CDH22: variants seen among roughly 807,000 people sequenced by gnomAD.
CDH22 encodes cadherin-22.
Under a neutral mutation model 58.4 loss-of-function variants are expected in CDH22, and 30 were observed. The ratio of observed to expected loss-of-function variants is 0.51; its 90% CI spans 0.38 to 0.70. CDH22 has a LOEUF of 0.70. Ranked by LOEUF, CDH22 falls within the 30% of genes least tolerant of loss-of-function variation. The pLI is 0.00. For synonymous variants in CDH22, 513 were observed against 558.2 expected (o/e 0.92, Z 1.14); for missense variants, 1,014 against 1,233.9 (o/e 0.82, Z 2.67).
chr20:46,254,265 G>A (rs2086395499), intron 1 of CDH22, among the ~76,000 whole-genome samples: 1 of 152,124 alleles, frequency 6.6e-6, no homozygotes, highest in African/African-American at 2.4e-5. Flanking sequence ...ATAAAAAAAT[G>A]AAGTACTGGC....
rs566794108 is a variant in CDH22 at position 46,176,661 on chromosome 20, G to A, written c.1915+1285C>T. ...GTGAGGGCCATGGGGCAGGGCACCT[G>A]CTCACCACCTAACAAGGTGGCTTGT... On this transcript the variant is annotated intron_variant, in intron 11 of 11. Transcript: ENST00000537909. 2.9e-4 allele frequency among the ~76,000 whole-genome samples: 44 copies of A among 152,362 alleles called. 1 individual carries two copies. In the South Asian group the frequency reaches 8.9e-3, roughly 31 times the overall value.
chr20:46,291,841 T>C (rs1477497374), intron 1 of CDH22, among the ~76,000 whole-genome samples: 2 of 152,218 alleles, frequency 1.3e-5, no homozygotes, highest in Non-Finnish European at 1.5e-5. Context: ...AGCAGTGACA[T>C]TTTGGCTGGA....
chr20:46,298,371 T>C (rs1056658319), intron 1 of CDH22, among the ~76,000 whole-genome samples: 1 of 152,220 alleles, frequency 6.6e-6, no homozygotes, highest in Non-Finnish European at 1.5e-5. Context: ...TGTGTTAAGG[T>C]TTTATCAGAG....
At chr20:46,296,502 G>T (rs1185862979) in intron 1 of CDH22, among the ~76,000 whole-genome samples, 2 of 152,230 alleles carry the variant, frequency 1.3e-5, no homozygotes, top group Non-Finnish European at 2.9e-5. Flanking sequence ...CAATGGACCA[G>T]TTAGAGAGGC....
chr20:46,227,745 C>CA, intron 3 of CDH22, 118 bp from the exon 4 acceptor site: 1 of 1,404,892 alleles, frequency 7.1e-7, no homozygotes, highest in Non-Finnish European at 9.6e-7. Flanking sequence ...TGCGGGAGGC[C>CA]ATCGAATACA....
At chr20:46,265,819 C>T (rs1208706206) in intron 1 of CDH22, among the ~76,000 whole-genome samples, 1 of 151,974 alleles carries the variant, frequency 6.6e-6, no homozygotes, top group Non-Finnish European at 1.5e-5. Flanking sequence ...CCCACTTTTC[C>T]TTCCCTTCCA....
intron 1 of CDH22, among the ~76,000 whole-genome samples, chr20:46,272,196 G>A (rs1377624952): frequency 6.6e-6 from 1 of 152,230 alleles, no homozygotes; most frequent in Non-Finnish European, 1.5e-5. Flanking sequence ...CCGTCCAGAA[G>A]TTTAAGATGA....
At chr20:46,303,356 A>G (rs1382097260) in intron 1 of CDH22, among the ~76,000 whole-genome samples, 1 of 152,064 alleles carries the variant, frequency 6.6e-6, no homozygotes, top group Non-Finnish European at 1.5e-5. Context: ...GTGCCTCAAC[A>G]GCACTTCCTC....
chr20:46,258,533 C>A (rs1407460950), intron 1 of CDH22, among the ~76,000 whole-genome samples: 1 of 152,220 alleles, frequency 6.6e-6, no homozygotes, highest in Non-Finnish European at 1.5e-5. Flanking sequence ...CCCCTGTGGG[C>A]CCTAAGCCCC....
intron 1 of CDH22, among the ~76,000 whole-genome samples, chr20:46,278,264 A>G (rs1442608067): frequency 6.6e-6 from 1 of 152,202 alleles, no homozygotes; most frequent in African/African-American, 2.4e-5. Flanking sequence ...CTGGGCTTGC[A>G]GGCCCTTCAG....
At chr20:46,250,090 A>G (rs972441757) in intron 2 of CDH22, among the ~76,000 whole-genome samples, 6 of 152,180 alleles carry the variant, frequency 3.9e-5, no homozygotes, top group African/African-American at 1.4e-4. Flanking sequence ...GGGCCCCACA[A>G]GGGGCTCAGG....
chr20:46,272,447 T>G (rs1489302735), intron 1 of CDH22, among the ~76,000 whole-genome samples: 1 of 152,168 alleles, frequency 6.6e-6, no homozygotes, highest in Non-Finnish European at 1.5e-5. Flanking sequence ...AGATGATATT[T>G]AATGCTGAGG....
intron 7 of CDH22, among the ~76,000 whole-genome samples, chr20:46,207,623 G>A (rs561810397): frequency 3.3e-5 from 5 of 152,176 alleles, no homozygotes; most frequent in African/African-American, 1.2e-4. Flanking sequence ...GGGCATTCTC[G>A]GCTTCAGGAC....
chr20:46,236,685 A>ATCTATC (rs1237849066), intron 3 of CDH22, among the ~76,000 whole-genome samples: 10 of 111,168 alleles, frequency 9.0e-5, no homozygotes, highest in Admixed American at 4.7e-4. Context: ...ATCTATCTAT[A>ATCTATC]TATACATAGA....
intron 2 of CDH22, among the ~76,000 whole-genome samples, chr20:46,243,693 G>T (rs1055691047): frequency 6.6e-6 from 1 of 152,200 alleles, no homozygotes; most frequent in African/African-American, 2.4e-5. Context: ...ATGAGAGGGG[G>T]TGATTCTGTT....
chr20:46,302,792 C>CCTCTTCTTGAAAGCCCTT (rs2086657733), intron 1 of CDH22, among the ~76,000 whole-genome samples: 1 of 152,164 alleles, frequency 6.6e-6, no homozygotes. Context: ...CTGGTCCTCA[C>CCTCTTCTTGAAAGCCCTT]CTCTTCTTGA....
rs769284087 is a variant in CDH22 at position 46,216,903 on chromosome 20, A to G, written c.761T>C (p.Leu254Pro). ...GGTAGTGGAGCCCGAGAGGCCACCC[A>G]GCTGACCCGCCATGTCTGTGGCCTG... ...VIQATDMAGQLGGLSGSTTVT... is the reference protein window; with the variant it reads ...VIQATDMAGQPGGLSGSTTVT... The change falls in exon 5 of 12, where the codon CTG (leucine) becomes CCG (proline). Residue 254 changes from leucine to proline, a missense_variant. Transcript: ENST00000537909. This position sits in a 1 kb window ranked among gnomAD's most constrained non-coding sequence, Gnocchi z 5.3. 3.1e-6 allele frequency: 5 copies of G among 1,611,436 alleles called. No individual in the cohort carries two copies. The East Asian group carries it at 1.1e-4, about 36-fold the overall frequency.
At position 46,251,787 on chromosome 20, in the gene CDH22, CTGCTGTG is replaced by C. The variant is rs1225178739; in HGVS notation, c.-399-101_-399-95del. The C allele has an allele frequency of 6.6e-6, 1 of 152,650 alleles. No homozygotes were observed. The highest frequency in any genetic ancestry group is 2.4e-5 in the African/African-American group (1 of 41,428). 9.5% of individuals were successfully genotyped at this position (152,650 alleles called of 1,614,324 possible). A position where few individuals can be genotyped will look rare whatever the true frequency, so the allele number is the denominator to read the frequency against. Reference sequence around the variant, plus strand: ...CCTCTTGTAGGTACTAATTAAACACCTGCTGTGTGCCTGGTACTGTGCAGGGTGGGAC... The same window carrying C: ...CCTCTTGTAGGTACTAATTAAACACCTGCCTGGTACTGTGCAGGGTGGGAC... On this transcript the variant is annotated intron_variant, in intron 1 of 11. Transcript: ENST00000537909. This position sits in a 1 kb window ranked among gnomAD's most constrained non-coding sequence, Gnocchi z 6.7.
chr20:46,283,278 G>C (rs937250347), intron 1 of CDH22, among the ~76,000 whole-genome samples: 7 of 152,198 alleles, frequency 4.6e-5, no homozygotes, highest in African/African-American at 1.7e-4. Flanking sequence ...GGGGAGGTCT[G>C]GAGTCTGAGT....
Sources: gnomAD v4.1 joint callset for allele counts (sites outside exome capture counted in the v4.1 genomes callset) on GRCh38, gnomAD v4.1.1 for gene constraint, Gnocchi (gnomAD v3.1) non-coding constraint, MANE v1.5 for transcripts, NCBI Gene and HGNC (gene_info 2026-07-23, HGNC 2026-07-21) for gene names.